The following DLG1 variants were observed in gnomAD, a reference collection of about 807,000 sequenced individuals.
DLG1 encodes disks large homolog 1.
DLG1 carries 42 observed loss-of-function variants against 123.4 expected under a neutral mutation model. The ratio of observed to expected loss-of-function variants is 0.34; its 90% confidence interval spans 0.27 to 0.44. The LOEUF is 0.44. Ranked by LOEUF, DLG1 falls within the 20% of genes least tolerant of loss-of-function variation. DLG1 has a pLI of 1.00. For missense variants in DLG1, 942 were observed against 1,082.6 expected (o/e 0.87, Z 1.82); for synonymous variants, 317 against 356.2 (o/e 0.89, Z 1.24).
intron 3 of DLG1, among the ~76,000 whole-genome samples, chr3:197,286,235 C>T (rs950525953): frequency 5.3e-5 from 8 of 152,074 alleles, no homozygotes; most frequent in African/African-American, 9.6e-5. Flanking sequence ...AGTGGGGTAC[C>T]GGAGAAGAAG....
chr3:197,121,489 T>C (rs1168032968), intron 11 of DLG1, among the ~76,000 whole-genome samples: 1 of 152,078 alleles, frequency 6.6e-6, no homozygotes, highest in Non-Finnish European at 1.5e-5. Flanking sequence ...AGAATATAAG[T>C]TAAAAGCGAG....
chr3:197,075,816 G>C (rs1414626767), intron 18 of DLG1: 1 of 1,607,734 alleles, frequency 6.2e-7, no homozygotes, highest in Admixed American at 1.7e-5. Context: ...AAAATAACTT[G>C]GGAGTATTTT....
At chr3:197,093,535 T>C (rs2149204315) in intron 14 of DLG1, among the ~76,000 whole-genome samples, 1 of 151,150 alleles carries the variant, frequency 6.6e-6, no homozygotes, top group East Asian at 2.0e-4. Context: ...AGAAGATCAC[T>C]GCACAATATA....
At chr3:197,277,520 T>C (rs973337886) in intron 4 of DLG1, among the ~76,000 whole-genome samples, 24 of 152,232 alleles carry the variant, frequency 1.6e-4, no homozygotes, top group African/African-American at 5.8e-4. Flanking sequence ...TTTGTATTTT[T>C]AGTAGAGGCG....
intron 5 of DLG1, among the ~76,000 whole-genome samples, chr3:197,153,348 G>A (rs1209906444): frequency 6.6e-6 from 1 of 152,184 alleles, no homozygotes; most frequent in South Asian, 2.1e-4. Context: ...GGAACTTGGA[G>A]TCTACTGAAG....
chr3:197,168,689 GTGAC>G (rs1802576001), intron 5 of DLG1, among the ~76,000 whole-genome samples: 1 of 152,166 alleles, frequency 6.6e-6, no homozygotes, highest in African/African-American at 2.4e-5. Flanking sequence ...TCATTAGACA[GTGAC>G]TGTTATGCCA....
rs574728629 is a variant in DLG1 at position 197,067,498 on chromosome 3, T to C, written c.2048-744A>G. On this transcript the variant is annotated intron_variant, in intron 19 of 24. Transcript: ENST00000667157. ...TCTAAATAAAAGAGTCTACAAATTA[T>C]ATCTGAATATCTGAATCCAGTGAAA... Among the ~76,000 whole-genome samples, 5 of 151,052 alleles carry C rather than the reference T, an allele frequency of 3.3e-5. No homozygotes were observed. The East Asian group carries it at 9.7e-4, about 29-fold the overall frequency.
chr3:197,129,137 GA>G (rs1579897086), intron 11 of DLG1, among the ~76,000 whole-genome samples: 1 of 152,226 alleles, frequency 6.6e-6, no homozygotes, highest in South Asian at 2.1e-4. Flanking sequence ...CTCTAGCTGT[GA>G]AAGTCCTAAA....
At chr3:197,257,567 A>G (rs1757417726) in intron 4 of DLG1, among the ~76,000 whole-genome samples, 1 of 152,162 alleles carries the variant, frequency 6.6e-6, no homozygotes, top group African/African-American at 2.4e-5. Flanking sequence ...TATGGGTAAA[A>G]GCATCTTTCA....
At chr3:197,100,403 C>T (rs1197627033) in intron 14 of DLG1, among the ~76,000 whole-genome samples, 1 of 152,080 alleles carries the variant, frequency 6.6e-6, no homozygotes, top group Non-Finnish European at 1.5e-5. Context: ...AGGGATTATG[C>T]CACCAAACAG....
intron 12 of DLG1, 140 bp downstream of exon 12, chr3:197,119,270 T>C (rs936447693): frequency 1.1e-5 from 5 of 470,492 alleles, no homozygotes; most frequent in South Asian, 1.0e-4. Context: ...AATCCTCCTA[T>C]GGAAAAAAAT....
chr3:197,102,467 A>G (rs75936625), intron 14 of DLG1, among the ~76,000 whole-genome samples: 6,491 of 152,262 alleles, frequency 0.043, 184 homozygotes, highest in Non-Finnish European at 0.054. Flanking sequence ...GTACTTCTTA[A>G]AATCCGATTT....
chr3:197,163,687 ATTTTTTTTTTTTT>A (rs56865627), intron 5 of DLG1, among the ~76,000 whole-genome samples: 3 of 102,034 alleles, frequency 2.9e-5, no homozygotes, highest in African/African-American at 3.8e-5. Flanking sequence ...ATGCTCAGCT[ATTTTTTTTTTTTT>A]TTTTTTTTTT....
rs185450186 is a variant in DLG1 at position 197,109,229 on chromosome 3, G to A, written c.1444-4224C>T. On this transcript the variant is annotated intron_variant, in intron 13 of 24. Transcript: ENST00000667157. ...AAAAATAAAGAAAACAATTCAGCCAGGTGTAGTGGTGCATACCTGCAGCCC... is the reference window on the plus strand; with the variant it reads ...AAAAATAAAGAAAACAATTCAGCCAAGTGTAGTGGTGCATACCTGCAGCCC... 9.2e-4 allele frequency among the ~76,000 whole-genome samples: 140 copies of A among 152,284 alleles called. 1 individual carries two copies. Among genetic ancestry groups the A allele is most frequent in the African/African-American group, 3.0e-3 (126 of 41,562 alleles).
At chr3:197,082,538 C>T (rs961839541) in intron 16 of DLG1, among the ~76,000 whole-genome samples, 2 of 152,112 alleles carry the variant, frequency 1.3e-5, no homozygotes, top group African/African-American at 4.8e-5. Flanking sequence ...GTTTTCTAAT[C>T]ATTATTTTGT....
At chr3:197,185,497 C>T (rs1715380863) in intron 5 of DLG1, among the ~76,000 whole-genome samples, 1 of 152,024 alleles carries the variant, frequency 6.6e-6, no homozygotes, top group African/African-American at 2.4e-5. Context: ...AATTTATGGC[C>T]CCAGAGTGAT....
intron 1 of DLG1, chr3:197,298,083 G>A (rs944088712): frequency 7.4e-5 from 21 of 282,702 alleles, no homozygotes; most frequent in Admixed American, 3.9e-4. Context: ...CTCCTTCCGC[G>A]CCCCCAACCG....
chr3:197,113,557 A>G (rs951526604), intron 13 of DLG1, among the ~76,000 whole-genome samples: 1 of 152,140 alleles, frequency 6.6e-6, no homozygotes, highest in African/African-American at 2.4e-5. Context: ...GTCTCATATT[A>G]AGACAGTAGC....
intron 5 of DLG1, among the ~76,000 whole-genome samples, chr3:197,159,539 G>A (rs558629820): frequency 6.6e-6 from 1 of 152,168 alleles, no homozygotes; most frequent in East Asian, 1.9e-4. Flanking sequence ...ACATCCTAAC[G>A]CATCTAAATG....
Sources: allele counts gnomAD v4.1 joint callset (sites outside exome capture counted in the v4.1 genomes callset), GRCh38; gene constraint gnomAD v4.1.1; transcripts MANE v1.5; gene names NCBI Gene and HGNC (gene_info 2026-07-23, HGNC 2026-07-21).